Variants in DGKB observed in about 807,000 individuals in gnomAD.
DGKB encodes 90 kDa diacylglycerol kinase.
Under a neutral mutation model 114.3 loss-of-function variants are expected in DGKB, and 67 were observed. The observed-to-expected ratio is 0.59, with a 90% CI of 0.48 to 0.72. The LOEUF (loss-of-function observed/expected upper bound fraction) is 0.72. Among genes scored for constraint, DGKB ranks in the 30% least tolerant of loss-of-function variants. The pLI, the probability that DGKB is intolerant of heterozygous loss-of-function variation, is 0.00. For synonymous variants in DGKB, 398 were observed against 323.1 expected, an observed-to-expected ratio of 1.23 and a Z score of -2.49; for missense variants, 907 against 975.2, an observed-to-expected ratio of 0.93 and a Z score of 0.93.
At position 14,559,960 on chromosome 7, in the gene DGKB, C is replaced by G. The variant is rs1351388105; in HGVS notation, c.1770+14252G>C. Among the ~76,000 whole-genome samples the G allele has an allele frequency of 2.6e-5, 4 of 151,220 alleles. No individual in the cohort carries two copies. The East Asian group carries it at 5.9e-4, about 22-fold the overall frequency. On this transcript the variant is annotated intron_variant, in intron 20 of 25. Transcript: ENST00000402815. ...TCCTCTCTTCCTCTCTTCTTCCCTC[C>G]CTTTCTCCCTCCCTTCCTTTTTGCC...
At chr7:14,328,281 A>T (rs778290642) in intron 23 of DGKB, among the ~76,000 whole-genome samples, 1 of 152,092 alleles carries the variant, frequency 6.6e-6, no homozygotes, top group Non-Finnish European at 1.5e-5. Context: ...TCGGTAAAAT[A>T]AAATTATTTA....
chr7:14,513,782 G>T (rs1280118830), intron 20 of DGKB, among the ~76,000 whole-genome samples: 1 of 151,944 alleles, frequency 6.6e-6, no homozygotes, highest in Non-Finnish European at 1.5e-5. Flanking sequence ...AGTTAAAGCA[G>T]AAAGTTAAAA....
intron 25 of DGKB, among the ~76,000 whole-genome samples, chr7:14,166,377 T>A (rs907124518): frequency 6.6e-6 from 1 of 152,192 alleles, no homozygotes; most frequent in Non-Finnish European, 1.5e-5. Context: ...AGATTCAAGG[T>A]TTAGGGCATT....
chr7:14,654,181 T>C lies in DGKB; in HGVS notation c.1134+18748A>G, dbSNP rs928086990. 2.0e-4 allele frequency among the ~76,000 whole-genome samples: 30 copies of C among 152,126 alleles called. No homozygotes were observed. The South Asian group carries it at 2.3e-3, about 12-fold the overall frequency. On this transcript the variant is annotated intron_variant, in intron 13 of 25. Transcript: ENST00000402815. ...TCTTATGACTAAGAAATGAGTTTAA[T>C]AAAGTTGCAGGATATAAAAATTAAC...
chr7:14,582,611 A>G (rs1170852887), intron 18 of DGKB, among the ~76,000 whole-genome samples: 2 of 152,152 alleles, frequency 1.3e-5, no homozygotes. Flanking sequence ...AATAAAAATT[A>G]GCTATGATGA....
chr7:14,930,661 G>T (rs767556063), intron 1 of DGKB, among the ~76,000 whole-genome samples: 16 of 152,026 alleles, frequency 1.1e-4, no homozygotes, highest in Non-Finnish European at 2.2e-4. Context: ...ACAGGGATAG[G>T]TTCTCTTCCT....
chr7:14,803,829 C>T (rs910656182), intron 2 of DGKB, among the ~76,000 whole-genome samples: 2 of 151,990 alleles, frequency 1.3e-5, no homozygotes, highest in Non-Finnish European at 2.9e-5. Context: ...ATGCTTAATA[C>T]AAATAATCAA....
intron 12 of DGKB, among the ~76,000 whole-genome samples, chr7:14,680,252 G>A (rs576185411): frequency 5.9e-5 from 9 of 151,864 alleles, no homozygotes; most frequent in Non-Finnish European, 8.8e-5. Context: ...TGAACTTGGG[G>A]ATTTAAGACA....
chr7:14,322,034 A>G (rs1807918422), intron 23 of DGKB, among the ~76,000 whole-genome samples: 1 of 152,200 alleles, frequency 6.6e-6, no homozygotes, highest in Non-Finnish European at 1.5e-5. Context: ...TAACAAACTG[A>G]TTAACAAAAC....
intron 1 of DGKB, among the ~76,000 whole-genome samples, chr7:14,973,750 T>C (rs1787632643): frequency 6.7e-6 from 1 of 149,560 alleles, no homozygotes; most frequent in African/African-American, 2.4e-5. Context: ...ATATGACGCA[T>C]AACAGTCACA....
chr7:14,718,581 A>G lies in DGKB; in HGVS notation c.427T>C (p.Ser143Pro). 1.9e-6 allele frequency: 3 copies of G among 1,613,088 alleles called. No individual in the cohort carries two copies. The highest frequency in any genetic ancestry group is 2.5e-6 in the Non-Finnish European group (3 of 1,179,486). ...IHLKDIVCYL[S>P]LLERGRPEDK... ...TCAGGTCTTCCTCTTTCAAGCAGAG[A>G]CAGGTAACAGACAATGTCCTTCAGA... Residue 143 changes from serine to proline, a missense_variant, in exon 6 of 26, where the codon TCT (serine) becomes CCT (proline). Physicochemically the swap from Ser to Pro is moderately conservative, Grantham distance 74 (BLOSUM62 -1). Around this residue, in one of 3 missense-constraint regions of DGKB, gnomAD observed 814 missense variants for 856.6 expected, o/e 0.95. Transcript: ENST00000402815.
upstream of DGKB, among the ~76,000 whole-genome samples, chr7:14,904,538 C>T (rs753088141): frequency 6.6e-5 from 10 of 152,184 alleles, no homozygotes; most frequent in Non-Finnish European, 8.8e-5. Context: ...GTTTATACTG[C>T]CTTTAGCTAA....
chr7:14,349,726 T>G (rs1813113390), intron 21 of DGKB, among the ~76,000 whole-genome samples: 1 of 152,164 alleles, frequency 6.6e-6, no homozygotes, highest in African/African-American at 2.4e-5. Context: ...AAATTTTATT[T>G]TTTTCAACCA....
chr7:14,943,585 C>T (rs971446278), intron 1 of DGKB, among the ~76,000 whole-genome samples: 3 of 151,298 alleles, frequency 2.0e-5, no homozygotes, highest in Non-Finnish European at 4.4e-5. Flanking sequence ...CATTTTTTGG[C>T]CAGACATTTG....
chr7:14,696,955 T>C (rs1824044470), intron 8 of DGKB, among the ~76,000 whole-genome samples: 1 of 152,216 alleles, frequency 6.6e-6, no homozygotes, highest in South Asian at 2.1e-4. Context: ...AGGTTAAATA[T>C]ACACTTCTTG....
At chr7:14,206,453 T>C (rs1786835493) in intron 23 of DGKB, among the ~76,000 whole-genome samples, 1 of 151,974 alleles carries the variant, frequency 6.6e-6, no homozygotes, top group African/African-American at 2.4e-5. Flanking sequence ...TAAATCTACC[T>C]AGAAACCGTT....
At chr7:14,656,831 A>G (rs1338659265) in intron 13 of DGKB, among the ~76,000 whole-genome samples, 1 of 151,666 alleles carries the variant, frequency 6.6e-6, no homozygotes, top group East Asian at 1.9e-4. Context: ...CTTTAAGTAT[A>G]CAACTCTACC....
chr7:14,823,850 C>A (rs1221182634), intron 2 of DGKB, among the ~76,000 whole-genome samples: 1 of 152,102 alleles, frequency 6.6e-6, no homozygotes, highest in Non-Finnish European at 1.5e-5. Context: ...ATTAACATGA[C>A]CTGTATCACC....
intron 23 of DGKB, among the ~76,000 whole-genome samples, chr7:14,219,722 G>A (rs1029236989): frequency 6.6e-6 from 1 of 151,620 alleles, no homozygotes; most frequent in African/African-American, 2.4e-5. Flanking sequence ...TCTCACTTGT[G>A]TTGTCTTTTC....
Sources: gnomAD v4.1 joint callset for allele counts (sites outside exome capture counted in the v4.1 genomes callset) on GRCh38, gnomAD v4.1.1 for gene constraint, gnomAD v4.1.1 regional missense constraint, MANE v1.5 for transcripts, NCBI Gene and HGNC (gene_info 2026-07-23, HGNC 2026-07-21) for gene names.